Variants in CD2AP observed in about 807,000 individuals in gnomAD.
The protein encoded by CD2AP is CD2 associated protein, also known as CD2-associated protein.
CD2AP carries 46 observed loss-of-function variants against 85.1 expected under a neutral mutation model. That is an observed-to-expected ratio of 0.54 (90% CI 0.43 to 0.69). CD2AP has a LOEUF of 0.69. Among genes scored for constraint, CD2AP ranks in the 30% least tolerant of loss-of-function variants. The pLI, the probability that CD2AP is intolerant of heterozygous loss-of-function variation, is 0.00. For synonymous variants in CD2AP, 255 were observed against 252.9 expected, an observed-to-expected ratio of 1.01 and a Z score of -0.08; for missense variants, 769 against 729.5, an observed-to-expected ratio of 1.05 and a Z score of -0.62.
intron 6 of CD2AP, among the ~76,000 whole-genome samples, chr6:47,575,632 G>C (rs943355468): frequency 7.9e-5 from 12 of 152,190 alleles, no homozygotes; most frequent in African/African-American, 2.7e-4. Flanking sequence ...TAAGTTAGCA[G>C]TGTGTTCAGA....
At chr6:47,499,763 G>C (rs919105384) in intron 1 of CD2AP, among the ~76,000 whole-genome samples, 5 of 152,106 alleles carry the variant, frequency 3.3e-5, no homozygotes, top group Non-Finnish European at 5.9e-5. Flanking sequence ...TTGTTTTTGA[G>C]ACAGAGTCTT....
intron 11 of CD2AP, among the ~76,000 whole-genome samples, chr6:47,589,491 T>G (rs932248794): frequency 6.7e-6 from 1 of 149,446 alleles, no homozygotes; most frequent in African/African-American, 2.5e-5. Context: ...CATATGTATG[T>G]GCACATATAT....
chr6:47,620,577 C>T (rs1474374662), intron 17 of CD2AP, among the ~76,000 whole-genome samples: 1 of 152,044 alleles, frequency 6.6e-6, no homozygotes, highest in African/African-American at 2.4e-5. Context: ...TTTTCCAATT[C>T]TGTGAAGAAT....
intron 17 of CD2AP, among the ~76,000 whole-genome samples, chr6:47,622,520 G>T (rs1769781973): frequency 6.6e-6 from 1 of 152,172 alleles, no homozygotes; most frequent in Non-Finnish European, 1.5e-5. Context: ...CCTTTCAGCT[G>T]CTTCCTCTAC....
intron 12 of CD2AP, 55 bp from the exon 13 acceptor site, chr6:47,599,246 A>T (rs978608650): frequency 7.4e-5 from 106 of 1,439,258 alleles, no homozygotes; most frequent in Middle Eastern, 1.9e-4. Context: ...ATCACAATTT[A>T]AAAAAAAGTC....
intron 11 of CD2AP, among the ~76,000 whole-genome samples, chr6:47,591,593 C>T (rs1046496982): frequency 1.3e-5 from 2 of 151,978 alleles, no homozygotes; most frequent in African/African-American, 4.8e-5. Context: ...TGGAATCACT[C>T]CTGTTTTGGT....
intron 16 of CD2AP, among the ~76,000 whole-genome samples, chr6:47,610,699 G>T (rs1435019336): frequency 1.3e-5 from 2 of 151,546 alleles, no homozygotes; most frequent in South Asian, 2.1e-4. Flanking sequence ...ATACATGATG[G>T]TATTTCTTGG....
intron 2 of CD2AP, among the ~76,000 whole-genome samples, chr6:47,508,534 CTTTTTTTTTTTGTTTTTTT>C (rs1387383118): frequency 7.7e-6 from 1 of 129,408 alleles, no homozygotes; most frequent in Non-Finnish European, 1.6e-5. Context: ...TTCTTTCTTT[CTTTTTTTTTTTGTTTTTTT>C]TTTTTTTTTT....
chr6:47,489,021 T>C (rs1765650947), intron 1 of CD2AP: 1 of 152,226 alleles, frequency 6.6e-6, no homozygotes, highest in African/African-American at 2.4e-5. Context: ...TTCTTACAAG[T>C]TCTTGTAGTT....
Position 47,599,306 on chromosome 6 carries a change from A to G in CD2AP, c.1280A>G (p.Asn427Ser), listed in dbSNP as rs1441721261. 1 of 1,611,804 alleles carries G rather than the reference A, an allele frequency of 6.2e-7. No individual in the cohort carries two copies. The highest frequency in any genetic ancestry group is 1.3e-5 in the African/African-American group (1 of 74,764). Reference protein sequence around the residue: ...VPPPPPIAKINGEVSSISSKF... With the variant: ...VPPPPPIAKISGEVSSISSKF... ...GTGTTTTTTTCTTATTTCAGGATTA[A>G]TGGGGAAGTTTCTAGCATTTCATCA... Residue 427 changes from asparagine to serine, a missense_variant, in exon 13 of 18, where the codon AAT becomes AGT. Coordinates refer to ENST00000359314, the MANE Select transcript of CD2AP (RefSeq NM_012120.3).
intron 5 of CD2AP, among the ~76,000 whole-genome samples, chr6:47,556,810 A>T (rs1767706137): frequency 6.6e-6 from 1 of 152,124 alleles, no homozygotes; most frequent in African/African-American, 2.4e-5. Context: ...TTTATAGTAG[A>T]ATTATTTATA....
At chr6:47,545,952 A>G (rs1359357175) in intron 4 of CD2AP, among the ~76,000 whole-genome samples, 5 of 152,170 alleles carry the variant, frequency 3.3e-5, no homozygotes, top group Non-Finnish European at 7.3e-5. Context: ...AAGGTTCTTT[A>G]CCATTCCCCA....
intron 5 of CD2AP, among the ~76,000 whole-genome samples, chr6:47,572,846 A>G (rs1768193613): frequency 6.6e-6 from 1 of 152,236 alleles, no homozygotes; most frequent in South Asian, 2.1e-4. Context: ...GTGCTTAGCC[A>G]AATGCCTGGT....
intron 11 of CD2AP, among the ~76,000 whole-genome samples, chr6:47,584,016 T>A (rs1562043548): frequency 6.6e-6 from 1 of 152,238 alleles, no homozygotes. Flanking sequence ...TGATATATGA[T>A]GTTGAATATC....
chr6:47,491,773 T>A (rs1765742494), intron 1 of CD2AP, among the ~76,000 whole-genome samples: 1 of 152,122 alleles, frequency 6.6e-6, no homozygotes, highest in Non-Finnish European at 1.5e-5. Flanking sequence ...ATTTTAAGAT[T>A]TTTAAGCTTG....
intron 2 of CD2AP, 124 bp downstream of exon 2, chr6:47,503,564 A>C (rs1766054583): frequency 8.0e-6 from 7 of 873,474 alleles, no homozygotes; most frequent in Middle Eastern, 3.3e-4. Flanking sequence ...AACATTTAAG[A>C]AAATAGAGTC....
At chr6:47,554,810 A>C (rs756960248) in intron 5 of CD2AP, 44 bp downstream of exon 5, 1 of 1,498,196 alleles carries the variant, frequency 6.7e-7, no homozygotes, top group Non-Finnish European at 9.1e-7. Context: ...AATAAACTTT[A>C]TATAGCATCT....
chr6:47,606,079 T>G, intron 13 of CD2AP, 86 bp from the exon 14 acceptor site: 1 of 737,560 alleles, frequency 1.4e-6, no homozygotes, highest in Middle Eastern at 2.8e-4. Context: ...TTTTAATTTA[T>G]AGTTTGTCCA....
chr6:47,526,609 T>C (rs1396215743), intron 2 of CD2AP, among the ~76,000 whole-genome samples: 1 of 152,170 alleles, frequency 6.6e-6, no homozygotes, highest in Non-Finnish European at 1.5e-5. Flanking sequence ...TCATATATCA[T>C]GTTAACATTG....
Sources: allele counts gnomAD v4.1 joint callset (sites outside exome capture counted in the v4.1 genomes callset), GRCh38; gene constraint gnomAD v4.1.1; transcripts MANE v1.5; gene names NCBI Gene and HGNC (gene_info 2026-07-23, HGNC 2026-07-21).